Variants in KIAA1549L observed in about 807,000 individuals in gnomAD.
The protein encoded by KIAA1549L is KIAA1549 like, also known as UPF0606 protein KIAA1549L.
In KIAA1549L, 88 loss-of-function variants were observed where a neutral mutation model predicts 160.7. The observed-to-expected ratio is 0.55, with a 90% CI of 0.46 to 0.65. The LOEUF (loss-of-function observed/expected upper bound fraction) is 0.65, where lower values mean the gene tolerates loss of function less well. KIAA1549L is among the 30% of genes least tolerant of loss of function. The pLI is 0.00. For synonymous variants in KIAA1549L, 950 were observed against 976.7 expected, an observed-to-expected ratio of 0.97 and a Z score of 0.51; for missense variants, 2,258 against 2,437.5, an observed-to-expected ratio of 0.93 and a Z score of 1.55.
intron 1 of KIAA1549L, among the ~76,000 whole-genome samples, chr11:33,421,033 A>G (rs1160476920): frequency 6.6e-6 from 1 of 152,184 alleles, no homozygotes; most frequent in Non-Finnish European, 1.5e-5. Context: ...TAAATAATGG[A>G]TAGTTAGCTC....
intron 19 of KIAA1549L, among the ~76,000 whole-genome samples, chr11:33,659,944 C>T (rs1341348547): frequency 6.6e-6 from 1 of 152,220 alleles, no homozygotes; most frequent in African/African-American, 2.4e-5. Flanking sequence ...GACCTTTGTC[C>T]TCTCATCCCC....
rs1264792055 is a variant in KIAA1549L at position 33,565,600 on chromosome 11, A to G, written c.4079-2476A>G. On this transcript the variant is annotated intron_variant, in intron 8 of 20. Transcript: ENST00000658780. The stretch of plus-strand genomic sequence containing the variant: ...CTTCCCCAGGTGCCCCCTAAGAAGG[A>G]CACATTCTCTTTGCAAAGAGTGGTG... 3.9e-5 allele frequency among the ~76,000 whole-genome samples: 6 copies of G among 152,076 alleles called. 1 individual carries two copies. The South Asian group carries it at 1.2e-3, about 32-fold the overall frequency.
At chr11:33,596,419 A>G (rs560938033) in intron 12 of KIAA1549L, among the ~76,000 whole-genome samples, 2 of 152,278 alleles carry the variant, frequency 1.3e-5, no homozygotes, top group African/African-American at 4.8e-5. Flanking sequence ...GGATCAAATG[A>G]GGGAAATGGT....
In KIAA1549L at chr11:33,668,251, G is replaced by T. The variant is rs73479273; in HGVS notation, c.*97G>T. The T allele has an allele frequency of 7.0e-6, 8 of 1,148,930 alleles. 1 individual carries two copies. In the Admixed American group the frequency reaches 1.4e-4, roughly 20 times the overall value. The allele number at this position is 1,148,930 out of a possible 1,614,324, so 71.2% of individuals were successfully genotyped here. The stretch of plus-strand genomic sequence containing the variant: ...GTTAGGACTTGAGACATAGCAATGG[G>T]TGAGTCTTTCTCACCCTCCATTTCT... On this transcript the variant is annotated 3_prime_UTR_variant, in exon 21 of 21. Transcript: ENST00000658780.
chr11:33,555,499 T>C (rs904157059), intron 6 of KIAA1549L, among the ~76,000 whole-genome samples: 1 of 152,184 alleles, frequency 6.6e-6, no homozygotes, highest in Non-Finnish European at 1.5e-5. Flanking sequence ...AGCCCAGAAA[T>C]AAACCCTCTT....
intron 8 of KIAA1549L, among the ~76,000 whole-genome samples, chr11:33,564,325 A>G (rs1359712710): frequency 6.6e-6 from 1 of 152,192 alleles, no homozygotes; most frequent in African/African-American, 2.4e-5. Flanking sequence ...GCTCATTTCT[A>G]ACAGCCAAGA....
At chr11:33,505,449 A>G (rs1415154863) in intron 1 of KIAA1549L, among the ~76,000 whole-genome samples, 3 of 152,210 alleles carry the variant, frequency 2.0e-5, no homozygotes, top group South Asian at 2.1e-4. Flanking sequence ...TTTCTCTTCT[A>G]TCCCTATCAC....
intron 8 of KIAA1549L, among the ~76,000 whole-genome samples, chr11:33,562,678 C>CTTTTTTT (rs35756207): frequency 1.0e-4 from 14 of 134,018 alleles, no homozygotes; most frequent in African/African-American, 3.9e-4. Flanking sequence ...TTCATTTCCT[C>CTTTTTTT]TTTTTTTTTT....
intron 1 of KIAA1549L, among the ~76,000 whole-genome samples, chr11:33,416,474 C>G (rs1843625686): frequency 6.6e-6 from 1 of 150,964 alleles, no homozygotes; most frequent in African/African-American, 2.4e-5. Context: ...AAAAAAAAAC[C>G]AACACAACAA....
intron 1 of KIAA1549L, among the ~76,000 whole-genome samples, chr11:33,504,669 T>C (rs897523727): frequency 6.6e-6 from 1 of 152,102 alleles, no homozygotes; most frequent in African/African-American, 2.4e-5. Flanking sequence ...GGTTTCACCA[T>C]GTTGGCCAGG....
intron 16 of KIAA1549L, among the ~76,000 whole-genome samples, chr11:33,622,983 C>T (rs552364708): frequency 6.6e-5 from 10 of 152,294 alleles, no homozygotes; most frequent in East Asian, 1.9e-4. Context: ...GGAATTGAAA[C>T]GGTTGTTTTG....
chr11:33,432,214 T>G (rs2615899), intron 1 of KIAA1549L, among the ~76,000 whole-genome samples: 66,298 of 152,050 alleles, frequency 0.44, 16,088 homozygotes, highest in African/African-American at 0.66. Context: ...TGGGCTGAAG[T>G]GCTCCTCAAG....
chr11:33,604,258 A>G (rs765854062), intron 13 of KIAA1549L, among the ~76,000 whole-genome samples: 67 of 152,194 alleles, frequency 4.4e-4, no homozygotes, highest in Non-Finnish European at 7.5e-4. Flanking sequence ...CATAGTCAAG[A>G]TGTTGGCCTG....
chr11:33,532,847 C>T (rs1186086036), intron 1 of KIAA1549L, among the ~76,000 whole-genome samples: 2 of 152,202 alleles, frequency 1.3e-5, no homozygotes, highest in Admixed American at 1.3e-4. Flanking sequence ...GTGGGAAATG[C>T]AGCCATGCTT....
At chr11:33,393,853 A>G (rs930991206) in intron 1 of KIAA1549L, among the ~76,000 whole-genome samples, 5 of 152,248 alleles carry the variant, frequency 3.3e-5, no homozygotes, top group Non-Finnish European at 7.3e-5. Flanking sequence ...AGGGTCTTGC[A>G]CATACATAGT....
intron 1 of KIAA1549L, among the ~76,000 whole-genome samples, chr11:33,398,139 C>T (rs1176912928): frequency 6.6e-6 from 1 of 151,552 alleles, no homozygotes; most frequent in Non-Finnish European, 1.5e-5. Flanking sequence ...CCAGGCTGCT[C>T]TTAAACTCCT....
At chr11:33,467,554 T>G (rs1043919438) in intron 1 of KIAA1549L, among the ~76,000 whole-genome samples, 1 of 152,190 alleles carries the variant, frequency 6.6e-6, no homozygotes, top group Admixed American at 6.5e-5. Flanking sequence ...TGGTTGCCAG[T>G]TGAGGAGTTT....
At chr11:33,577,105 C>T (rs533575607) in intron 10 of KIAA1549L, among the ~76,000 whole-genome samples, 1 of 152,154 alleles carries the variant, frequency 6.6e-6, no homozygotes, top group East Asian at 1.9e-4. Context: ...GTGTGGGGTT[C>T]AGAATGCAAG....
intron 1 of KIAA1549L, among the ~76,000 whole-genome samples, chr11:33,530,415 A>G (rs1450263666): frequency 5.0e-4 from 4 of 8,050 alleles, no homozygotes; most frequent in Admixed American, 1.4e-3. Context: ...AAGAAGAAGG[A>G]AAAAAAAAAA....
Sources: gnomAD v4.1 joint callset for allele counts (sites outside exome capture counted in the v4.1 genomes callset) on GRCh38, gnomAD v4.1.1 for gene constraint, MANE v1.5 for transcripts, NCBI Gene and HGNC (gene_info 2026-07-23, HGNC 2026-07-21) for gene names.